The following ESRRG variants were observed in gnomAD, a reference collection of about 807,000 sequenced individuals.
ESRRG encodes the protein estrogen-related receptor gamma.
In ESRRG, 13 loss-of-function variants were observed where a neutral mutation model predicts 44.0. The ratio of observed to expected loss-of-function variants is 0.30; its 90% CI spans 0.19 to 0.47. The LOEUF (loss-of-function observed/expected upper bound fraction) is 0.47. ESRRG is among the 20% of genes least tolerant of loss of function. ESRRG has a pLI of 1.00. For synonymous variants in ESRRG, 215 were observed against 214.6 expected (o/e 1.00, Z -0.02); for missense variants, 395 against 580.6 (o/e 0.68, Z 3.29).
chr1:216,826,596 G>A (rs1022051616), intron 2 of ESRRG, among the ~76,000 whole-genome samples: 1 of 152,032 alleles, frequency 6.6e-6, no homozygotes, highest in Non-Finnish European at 1.5e-5. Context: ...ACATTTCCTG[G>A]TTTAATTTCA....
rs79332634 is a variant in ESRRG, at chr1:216,784,270, C to T, written c.-13-106779G>A. Reference sequence around the variant, plus strand: ...TCTCCTAAAGTGTTTAAAATATCCACGATGTTATAGTTAATTGTTGTCAAG... The same window carrying T: ...TCTCCTAAAGTGTTTAAAATATCCATGATGTTATAGTTAATTGTTGTCAAG... On this transcript the variant is annotated intron_variant, in intron 2 of 7. Transcript: ENST00000359162. 4.3e-3 allele frequency among the ~76,000 whole-genome samples: 655 copies of T among 151,916 alleles called. 6 individuals are homozygous for T. Among genetic ancestry groups the T allele is most frequent in the African/African-American group, 0.015 (631 of 41,464 alleles).
intron 1 of ESRRG, among the ~76,000 whole-genome samples, chr1:217,095,378 T>C (rs1210075028): frequency 1.3e-5 from 2 of 152,228 alleles, no homozygotes; most frequent in Non-Finnish European, 2.9e-5. Flanking sequence ...ATGAGGTTTC[T>C]GCTTTTGTTT....
chr1:216,660,528 G>A (rs1472774125), intron 2 of ESRRG, among the ~76,000 whole-genome samples: 4 of 152,196 alleles, frequency 2.6e-5, no homozygotes. Context: ...TAAATATGAG[G>A]CATGCTGCCT....
At position 216,568,198 on chromosome 1, in the gene ESRRG, C is replaced by G. The variant is rs576467145; in HGVS notation, c.590-100G>C. 148 of 812,754 alleles carry G rather than the reference C, an allele frequency of 1.8e-4. No individual in the cohort carries two copies. In the African/African-American group the frequency reaches 2.1e-3, roughly 12 times the overall value. 50.3% of individuals were successfully genotyped at this position (812,754 alleles called of 1,614,324 possible). The stretch of plus-strand genomic sequence containing the variant: ...CCCCCAAGAGCACATAGGTGACAAA[C>G]AGTAGAATGCAGAATGGACCAGGGG... On this transcript the variant is annotated intron_variant, in intron 3 of 6. Coordinates refer to ENST00000408911, the MANE Select transcript of ESRRG (RefSeq NM_001438.4).
chr1:216,847,184 G>C (rs7513033), intron 2 of ESRRG, among the ~76,000 whole-genome samples: 39,437 of 151,948 alleles, frequency 0.26, 5,870 homozygotes, highest in African/African-American at 0.4. Flanking sequence ...TGCACAATTT[G>C]TGCTACTAGG....
chr1:217,055,577 C>A (rs1034282595), intron 1 of ESRRG, among the ~76,000 whole-genome samples: 3 of 152,124 alleles, frequency 2.0e-5, no homozygotes, highest in Non-Finnish European at 4.4e-5. Flanking sequence ...AGGGCTTCAA[C>A]CCCCTGTACA....
chr1:216,801,535 G>T (rs2094618334), intron 2 of ESRRG, among the ~76,000 whole-genome samples: 2 of 151,964 alleles, frequency 1.3e-5, no homozygotes, highest in Non-Finnish European at 2.9e-5. Context: ...TTTACAATGG[G>T]GGCACCAACC....
chr1:216,794,664 G>T (rs59729655), intron 2 of ESRRG, among the ~76,000 whole-genome samples: 4,830 of 152,148 alleles, frequency 0.032, 268 homozygotes, highest in African/African-American at 0.11. Context: ...GATCTCCTCT[G>T]GGAGAGAGTT....
At chr1:217,072,842 T>A (rs1458564372) in intron 1 of ESRRG, among the ~76,000 whole-genome samples, 1 of 152,164 alleles carries the variant, frequency 6.6e-6, no homozygotes, top group East Asian at 1.9e-4. Flanking sequence ...ATGTGTTGTG[T>A]GGGCAACTTA....
At chr1:216,948,827 G>A (rs2066500785) in intron 1 of ESRRG, among the ~76,000 whole-genome samples, 1 of 152,104 alleles carries the variant, frequency 6.6e-6, no homozygotes, top group African/African-American at 2.4e-5. Flanking sequence ...AGGCACTGAG[G>A]AATTAATGAA....
intron 2 of ESRRG, among the ~76,000 whole-genome samples, chr1:216,654,432 C>T (rs543267450): frequency 6.6e-5 from 10 of 152,078 alleles, no homozygotes; most frequent in South Asian, 4.1e-4. Context: ...AAGCTCAAGA[C>T]GAGCCTGATC....
In ESRRG at chr1:217,062,326, G is replaced by A. The variant is rs1439689349; in HGVS notation, c.-106+27181C>T. Among the ~76,000 whole-genome samples the A allele has an allele frequency of 2.6e-5, 4 of 152,246 alleles. No homozygotes were observed. The East Asian group carries it at 7.7e-4, about 29-fold the overall frequency. On this transcript the variant is annotated intron_variant, in intron 1 of 7. Transcript: ENST00000359162. ...ACCGTGTGAGAGACTTTATAAGAGT[G>A]AGAAGGATGAAAAGCTGGAAATTTC...
In ESRRG at chr1:216,515,429, C is replaced by A. The variant is rs963703481; in HGVS notation, c.1132+3723G>T. Among the ~76,000 whole-genome samples the A allele has an allele frequency of 2.0e-5, 3 of 151,992 alleles. 1 individual carries two copies. Among genetic ancestry groups the A allele is most frequent in the Admixed American group, 6.6e-5 (1 of 15,220 alleles). On this transcript the variant is annotated intron_variant, in intron 6 of 6. Coordinates refer to ENST00000408911, the MANE Select transcript of ESRRG (RefSeq NM_001438.4). ...CAAACCTATATGAGAGTCCAAATAT[C>A]CTAATTAAATATGGTGCCCATTCCA...
intron 1 of ESRRG, among the ~76,000 whole-genome samples, chr1:217,131,105 T>C (rs2092959114): frequency 1.3e-5 from 2 of 152,186 alleles, no homozygotes; most frequent in South Asian, 4.1e-4. Context: ...AACATAATTC[T>C]GAAGAAGTAT....
chr1:216,937,508 C>A (rs887457060), intron 2 of ESRRG, among the ~76,000 whole-genome samples: 2 of 152,180 alleles, frequency 1.3e-5, no homozygotes, highest in Admixed American at 1.3e-4. Flanking sequence ...TTCTCTCTCC[C>A]ACCCTCTGTG....
chr1:216,776,362 G>T (rs555763175), intron 2 of ESRRG, among the ~76,000 whole-genome samples: 1 of 151,782 alleles, frequency 6.6e-6, no homozygotes, highest in Non-Finnish European at 1.5e-5. Context: ...ACTTTTCCTC[G>T]CCTCAAAGGC....
chr1:216,819,790 C>A (rs562918108), intron 2 of ESRRG, among the ~76,000 whole-genome samples: 198 of 152,288 alleles, frequency 1.3e-3, no homozygotes, highest in African/African-American at 4.7e-3. Context: ...AGGGATGTAA[C>A]ACCATTTTAG....
At chr1:216,986,620 G>A (rs189296863) in intron 1 of ESRRG, among the ~76,000 whole-genome samples, 23 of 151,664 alleles carry the variant, frequency 1.5e-4, no homozygotes, top group Admixed American at 9.2e-4. Context: ...CCAGCTACTC[G>A]GGAGGCTGAG....
chr1:216,816,892 A>G (rs1323937320), intron 2 of ESRRG, among the ~76,000 whole-genome samples: 1 of 152,190 alleles, frequency 6.6e-6, no homozygotes, highest in African/African-American at 2.4e-5. Context: ...TCACGGTTTC[A>G]TTATCCTACT....
Sources: allele counts gnomAD v4.1 joint callset (sites outside exome capture counted in the v4.1 genomes callset), GRCh38; gene constraint gnomAD v4.1.1; transcripts MANE v1.5; gene names NCBI Gene and HGNC (gene_info 2026-07-23, HGNC 2026-07-21).